ACSL1: variants seen among roughly 807,000 people sequenced by gnomAD.
ACSL1 encodes long-chain-fatty-acid--CoA ligase 1.
Under a neutral mutation model 98.4 loss-of-function variants are expected in ACSL1, and 41 were observed. The ratio of observed to expected loss-of-function variants is 0.42; its 90% CI spans 0.32 to 0.54. The LOEUF is 0.54. Among genes scored for constraint, ACSL1 ranks in the 20% least tolerant of loss-of-function variants. The probability of loss-of-function intolerance (pLI) is 0.13; values close to 1 mark genes in which losing one functional copy is unlikely to be tolerated. For synonymous variants in ACSL1, 316 were observed against 322.7 expected, an observed-to-expected ratio of 0.98 and a Z score of 0.22; for missense variants, 734 against 883.1, an observed-to-expected ratio of 0.83 and a Z score of 2.14.
At chr4:184,809,531 A>G (rs773921714) in intron 1 of ACSL1, among the ~76,000 whole-genome samples, 111 of 152,176 alleles carry the variant, frequency 7.3e-4, no homozygotes, top group African/African-American at 1.1e-3. Flanking sequence ...GGTGGCTCAC[A>G]CCTGTAATCC....
intron 5 of ACSL1, among the ~76,000 whole-genome samples, chr4:184,778,484 C>T (rs556647481): frequency 5.3e-5 from 8 of 152,326 alleles, no homozygotes. Context: ...TGAACGTGGG[C>T]ATTCCCTTGG....
At chr4:184,783,051 G>C (rs564196199) in intron 4 of ACSL1, among the ~76,000 whole-genome samples, 17 of 152,334 alleles carry the variant, frequency 1.1e-4, no homozygotes, top group Admixed American at 2.6e-4. Flanking sequence ...CCAGGGACGG[G>C]AGCCTTTCCT....
chr4:184,786,553 T>C (rs1767380186), intron 3 of ACSL1, among the ~76,000 whole-genome samples: 1 of 152,204 alleles, frequency 6.6e-6, no homozygotes, highest in East Asian at 1.9e-4. Context: ...AGAATGTTCA[T>C]AAATTAAATA....
chr4:184,764,726 T>C lies in ACSL1; in HGVS notation c.1432+127A>G, dbSNP rs138451521. On this transcript the variant is annotated intron_variant, in intron 15 of 20. Coordinates refer to ENST00000281455, the MANE Select transcript of ACSL1 (RefSeq NM_001995.5). ...AAGAGTGTTTGCCCCCAGAGCCTAA[T>C]GATCAGAAACATAGCACTTTTGTTT... 7.4e-5 allele frequency: 61 copies of C among 827,398 alleles called. No homozygotes were observed. The African/African-American group carries it at 9.6e-4, about 13-fold the overall frequency. 51.3% of individuals were successfully genotyped at this position (827,398 alleles called of 1,614,324 possible). A position where few individuals can be genotyped will look rare whatever the true frequency, so the allele number is the denominator to read the frequency against.
intron 1 of ACSL1, among the ~76,000 whole-genome samples, chr4:184,817,167 G>T (rs991396442): frequency 6.6e-6 from 1 of 152,074 alleles, no homozygotes; most frequent in African/African-American, 2.4e-5. Context: ...TAGCCAGAGA[G>T]CAGTTTCTAT....
At chr4:184,819,238 G>T (rs1772870811) in intron 1 of ACSL1, among the ~76,000 whole-genome samples, 1 of 151,538 alleles carries the variant, frequency 6.6e-6, no homozygotes, top group Non-Finnish European at 1.5e-5. Flanking sequence ...TGCCTCCCAG[G>T]CTCAAGGGAT....
At chr4:184,823,612 C>T (rs1002703462) in intron 1 of ACSL1, among the ~76,000 whole-genome samples, 1 of 152,186 alleles carries the variant, frequency 6.6e-6, no homozygotes, top group Admixed American at 6.5e-5. Flanking sequence ...TCCCCAAACA[C>T]ACAACCATTT....
Position 184,825,653 on chromosome 4 carries a change from C to T in ACSL1, c.-33+263G>A, listed in dbSNP as rs1463501099. Among the ~76,000 whole-genome samples, 1 of 150,162 alleles carries T rather than the reference C, an allele frequency of 6.7e-6. No homozygotes were observed. The highest frequency in any genetic ancestry group is 2.4e-5 in the African/African-American group (1 of 41,204). ...CGCATCCCCGGCCGCGCACCAGCCC[C>T]GCGCCCGCGCCGCCCGCGACTCAGA... On this transcript the variant is annotated intron_variant, in intron 1 of 20. Coordinates refer to ENST00000281455, the MANE Select transcript of ACSL1 (RefSeq NM_001995.5). The surrounding 1 kb of genome is among the most constrained non-coding windows in gnomAD (Gnocchi z 4.7).
At position 184,803,457 on chromosome 4, in the gene ACSL1, G is replaced by A. The variant is rs776676749; in HGVS notation, c.58C>T (p.Gln20Ter). The A allele has an allele frequency of 1.2e-6, 2 of 1,612,650 alleles. No homozygotes were observed. Among genetic ancestry groups the A allele is most frequent in the Non-Finnish European group, 1.7e-6 (2 of 1,179,234 alleles). Residue 20 changes from glutamine to a stop codon, truncating the protein, a stop_gained, in exon 2 of 21, where the codon CAG (glutamine) becomes TAG (stop). Transcript: ENST00000281455. LOFTEE classifies it high-confidence loss of function. This position sits in a 1 kb window ranked among gnomAD's most constrained non-coding sequence, Gnocchi z 4.8. ...TTGGTCGGAAGAGTACGCACGTACT[G>A]TCGGAAGTCAACCAGCTCTGGCATT... is the stretch of plus-strand genomic sequence containing the variant. The part of the protein sequence containing the change: ...FRMPELVDFR[Q>*]YVRTLPTNTL...
chr4:184,803,553 G>A lies in ACSL1; in HGVS notation c.-32-7C>T. 2 of 1,422,442 alleles carry A rather than the reference G, an allele frequency of 1.4e-6. No homozygotes were observed. The highest frequency in any genetic ancestry group is 1.7e-5 in the South Asian group (1 of 60,126). 88.1% of individuals were successfully genotyped at this position (1,422,442 alleles called of 1,614,324 possible). A position where few individuals can be genotyped will look rare whatever the true frequency, so the allele number is the denominator to read the frequency against. Reference sequence around the variant, plus strand: ...TAGTTCTCTAAGCTGAATTCTGTTGGGAGAGAAAAATGTCACGTTCGTTCC... The same window carrying A: ...TAGTTCTCTAAGCTGAATTCTGTTGAGAGAGAAAAATGTCACGTTCGTTCC... On this transcript the variant is annotated splice_region_variant and splice_polypyrimidine_tract_variant and intron_variant, in intron 1 of 20. Coordinates refer to ENST00000281455, the MANE Select transcript of ACSL1 (RefSeq NM_001995.5). This position sits in a 1 kb window ranked among gnomAD's most constrained non-coding sequence, Gnocchi z 4.8.
Position 184,766,611 on chromosome 4 carries a change from T to A in ACSL1, c.1263+11A>T, listed in dbSNP as rs765840018. On this transcript the variant is annotated intron_variant, in intron 13 of 20. Coordinates refer to ENST00000281455, the MANE Select transcript of ACSL1 (RefSeq NM_001995.5). This position sits in a 1 kb window ranked among gnomAD's most constrained non-coding sequence, Gnocchi z 4.8. ...TTTCCATGGGAGCAGTGGCTGTGAG[T>A]CACGTGTTACCTGTACTTTGTGGAA... 5.0e-6 allele frequency: 8 copies of A among 1,609,740 alleles called. No individual in the cohort carries two copies. The African/African-American group carries it at 1.1e-4, about 22-fold the overall frequency.
rs1371276860 is a variant in ACSL1, at chr4:184,765,919, G to A, written c.1331C>T (p.Thr444Met). The A allele has an allele frequency of 4.3e-6, 7 of 1,614,044 alleles. No individual in the cohort carries two copies. The highest frequency in any genetic ancestry group is 3.3e-5 in the Admixed American group (2 of 60,022). ...ACAGCCCAGGGCTGCTCTGAGGAAC[G>A]TCAGCACAGTGGCAGACACCGGGGC... ...GAAPVSATVLTFLRAALGCQF... is the reference protein window; with the variant it reads ...GAAPVSATVLMFLRAALGCQF... The change falls in exon 14 of 21, where the codon ACG (threonine) becomes ATG (methionine). Residue 444 changes from threonine (T) to methionine (M), a missense_variant. Coordinates refer to ENST00000281455, the MANE Select transcript of ACSL1 (RefSeq NM_001995.5).
intron 17 of ACSL1, among the ~76,000 whole-genome samples, chr4:184,761,513 G>A (rs1762853634): frequency 6.6e-6 from 1 of 152,176 alleles, no homozygotes; most frequent in Non-Finnish European, 1.5e-5. Flanking sequence ...GGACAGGTCA[G>A]GCTTCTTGCA....
chr4:184,803,471 A>G lies in ACSL1; in HGVS notation c.44T>C (p.Leu15Pro), dbSNP rs1350238373. The stretch of plus-strand genomic sequence containing the variant: ...ACGCACGTACTGTCGGAAGTCAACC[A>G]GCTCTGGCATTCGAAAATACCGGAA... ...ELFRYFRMPE[L>P]VDFRQYVRTL... Residue 15 changes from leucine (L) to proline (P), a missense_variant, in exon 2 of 21, where the codon CTG becomes CCG. Physicochemically the swap from Leu to Pro is moderately conservative, Grantham distance 98. Coordinates refer to ENST00000281455, the MANE Select transcript of ACSL1 (RefSeq NM_001995.5). The surrounding 1 kb of genome is among the most constrained non-coding windows in gnomAD (Gnocchi z 4.8). 1 of 1,609,756 alleles carries G rather than the reference A, an allele frequency of 6.2e-7. No individual in the cohort carries two copies. Among genetic ancestry groups the G allele is most frequent in the Non-Finnish European group, 8.5e-7 (1 of 1,177,722 alleles).
intron 1 of ACSL1, chr4:184,815,100 T>C (rs765759765): frequency 2.0e-5 from 9 of 455,982 alleles, no homozygotes; most frequent in Non-Finnish European, 4.0e-5. Flanking sequence ...CCACGGCAGG[T>C]AGGGCCCTGG....
intron 2 of ACSL1, among the ~76,000 whole-genome samples, chr4:184,793,135 G>A (rs1996546): frequency 4.0e-5 from 6 of 150,776 alleles, no homozygotes; most frequent in Admixed American, 2.0e-4. Flanking sequence ...GCAGGCTTTA[G>A]GAGTCTTTTA....
rs370032808 is a variant in ACSL1, at chr4:184,825,735, G to A, written c.-33+181C>T. Among the ~76,000 whole-genome samples, 237 of 149,938 alleles carry A rather than the reference G, an allele frequency of 1.6e-3. 6 individuals carry two copies. The East Asian group carries it at 0.038, about 24-fold the overall frequency. ...GAGGCCTCCGGCTGCCGAGGGAAGC[G>A]GGGCCGCGGGCAGGAGGCCGGAAAG... On this transcript the variant is annotated intron_variant, in intron 1 of 20. Transcript: ENST00000281455. The surrounding 1 kb of genome is among the most constrained non-coding windows in gnomAD (Gnocchi z 4.7).
rs201782196 is a variant in ACSL1 at position 184,776,932 on chromosome 4, G to A, written c.529C>T (p.Leu177Phe). Residue 177 changes from leucine (L) to phenylalanine (F), a missense_variant, in exon 6 of 21, where the codon CTT (leucine) becomes TTT (phenylalanine). Transcript: ENST00000281455. The part of the protein sequence containing the change: ...CFAYSMVIVP[L>F]YDTLGNEAIT... ...GCTTCATTTCCAAGGGTATCATAAA[G>A]TGGAACGATCACCATCGAATAAGCA... The A allele has an allele frequency of 1.2e-6, 2 of 1,614,178 alleles. No individual in the cohort carries two copies. The highest frequency in any genetic ancestry group is 2.7e-5 in the African/African-American group (2 of 75,032).
chr4:184,824,008 C>T (rs1006511613), intron 1 of ACSL1, among the ~76,000 whole-genome samples: 5 of 152,136 alleles, frequency 3.3e-5, no homozygotes, highest in African/African-American at 1.2e-4. Flanking sequence ...AACTTAGAAG[C>T]CCAGATTTCT....
Sources: gnomAD v4.1 joint callset for allele counts (sites outside exome capture counted in the v4.1 genomes callset) on GRCh38, gnomAD v4.1.1 for gene constraint, Gnocchi (gnomAD v3.1) non-coding constraint, MANE v1.5 for transcripts, NCBI Gene and HGNC (gene_info 2026-07-23, HGNC 2026-07-21) for gene names.